Variants in IZUMO4 observed in about 807,000 individuals in gnomAD.
IZUMO4 encodes izumo sperm-egg fusion protein 4.
Under a neutral mutation model 37.1 loss-of-function variants are expected in IZUMO4, and 51 were observed. The observed-to-expected ratio is 1.38, with a 90% CI of 1.10 to 1.74. The LOEUF is 1.74. Ranked by LOEUF, IZUMO4 falls within the 40% of genes most tolerant of loss-of-function variation. The probability of loss-of-function intolerance (pLI) is 0.00; values close to 1 mark genes in which losing one functional copy is unlikely to be tolerated. For synonymous variants in IZUMO4, 162 were observed against 121.4 expected, an observed-to-expected ratio of 1.33 and a Z score of -2.20; for missense variants, 364 against 299.6, an observed-to-expected ratio of 1.21 and a Z score of -1.59.
chr19:2,097,260 A>G lies in IZUMO4; in HGVS notation c.226A>G (p.Lys76Glu), dbSNP rs988954658. Residue 76 changes from lysine (K) to glutamate (E), a missense_variant, in exon 2 of 10, where the codon AAG (lysine) becomes GAG (glutamate). Transcript: ENST00000395301. ...LAIPAKITRE[K>E]LDQVATAVYQ... ...TCTCCTCCTGCCCGCAGCCCGGGAG[A>G]AGCTGGACCAAGTGGCGACAGCAGT... 18 of 1,612,330 alleles carry G rather than the reference A, an allele frequency of 1.1e-5. No individual in the cohort carries two copies. The highest frequency in any genetic ancestry group is 1.5e-5 in the Non-Finnish European group (18 of 1,179,644).
intron 9 of IZUMO4, 85 bp downstream of exon 9, chr19:2,099,114 A>C (rs2017829305): frequency 1.4e-6 from 2 of 1,405,800 alleles, no homozygotes; most frequent in Non-Finnish European, 2.0e-6. Flanking sequence ...CACCCTGCTG[A>C]CATCCCAGGC....
In IZUMO4 at chr19:2,099,003, TG is replaced by T. The variant is rs1264612762; in HGVS notation, c.585del (p.Thr196HisfsTer14). ...CACGCTCCTCTGCCTTCTCCTGGCCTGGGACACACAGAGCCACCCCGGCCTT... is the reference window on the plus strand; with the variant it reads ...CACGCTCCTCTGCCTTCTCCTGGCCTGGACACACAGAGCCACCCCGGCCTT... ...RPRSSAFSWPGTHRATPAFLV... is the reference protein window; with the variant it reads ...RPRSSAFSWPXTHRATPAFLV... On this transcript the variant is annotated frameshift_variant, in exon 9 of 10. Coordinates refer to ENST00000395301, the MANE Select transcript of IZUMO4 (RefSeq NM_001039846.2). LOFTEE classifies it low-confidence loss of function (END_TRUNC). 1.2e-6 allele frequency: 2 copies of T among 1,613,040 alleles called. No homozygotes were observed. Among genetic ancestry groups the T allele is most frequent in the Non-Finnish European group, 1.7e-6 (2 of 1,179,978 alleles).
intron 9 of IZUMO4, 37 bp downstream of exon 9, chr19:2,099,066 G>C: frequency 6.3e-7 from 1 of 1,597,278 alleles, no homozygotes; most frequent in African/African-American, 1.3e-5. Context: ...CGGGAGAAGG[G>C]GTGCTCGTAA....
In IZUMO4 at chr19:2,098,118, A is replaced by C. The variant is rs748494870; in HGVS notation, c.464A>C (p.Tyr155Ser). The part of the protein sequence containing the change: ...CTDSHVACFG[Y>S]NCESSAQWKS... ...GACTCGCACGTCGCCTGCTTTGGCTATAACTGCGAGTAGGGCTCAGGCATC... is the reference window on the plus strand; with the variant it reads ...GACTCGCACGTCGCCTGCTTTGGCTCTAACTGCGAGTAGGGCTCAGGCATC... Residue 155 changes from tyrosine to serine, a missense_variant, in exon 5 of 10, where the codon TAT becomes TCT. By Grantham distance (144) the Tyr-to-Ser change is moderately radical (BLOSUM62 -2). Transcript: ENST00000395301. 1 of 1,613,412 alleles carries C rather than the reference A, an allele frequency of 6.2e-7. No individual in the cohort carries two copies. The highest frequency in any genetic ancestry group is 2.2e-5 in the East Asian group (1 of 44,892).
At position 2,099,442 on chromosome 19, in the gene IZUMO4, C is replaced by CCCCCT; in HGVS notation, c.*99_*103dup. ...GAGCTGGGCTGCTGCTGCCTCAGGACCCCCTCTCCGACCCCGGACAGAGCT... is the reference window on the plus strand; with the variant it reads ...GAGCTGGGCTGCTGCTGCCTCAGGACCCCCTCCCCTCTCCGACCCCGGACAGAGCT... On this transcript the variant is annotated 3_prime_UTR_variant, in exon 10 of 10. Transcript: ENST00000395301. 1.2e-6 allele frequency: 1 copy of CCCCCT among 869,054 alleles called. No homozygotes were observed. Among genetic ancestry groups the CCCCCT allele is most frequent in the Non-Finnish European group, 1.9e-6 (1 of 538,724 alleles). 53.8% of individuals were successfully genotyped at this position (869,054 alleles called of 1,614,324 possible). A position where few individuals can be genotyped will look rare whatever the true frequency, so the allele number is the denominator to read the frequency against.
chr19:2,097,400 CCTT>C (rs761536668), intron 2 of IZUMO4, 21 bp from the exon 3 acceptor site: 15 of 1,596,944 alleles, frequency 9.4e-6, no homozygotes, highest in East Asian at 4.5e-5. Context: ...CTGAGCCTGA[CCTT>C]CTCCTGCCTC....
intron 8 of IZUMO4, 53 bp downstream of exon 8, chr19:2,098,857 G>A (rs545775709): frequency 1.0e-4 from 158 of 1,557,348 alleles, no homozygotes; most frequent in South Asian, 2.4e-4. Flanking sequence ...GGAGAGAGGA[G>A]GGGGGCTAGG....
Position 2,098,799 on chromosome 19 carries a change from C to T in IZUMO4, c.549C>T (p.Ser183=). Residue 183 remains serine (S), a synonymous_variant, in exon 8 of 10, where the codon AGC becomes AGT. Transcript: ENST00000395301. ...CATTGCCTTTCAGACAGGACACGAGCATGAGGTAAGGCCGCCCTGACCTGG... is the reference window on the plus strand; with the variant it reads ...CATTGCCTTTCAGACAGGACACGAGTATGAGGTAAGGCCGCCCTGACCTGG... ...YINNWHKQDT[S]MRPRSSAFSW... is the part of the protein sequence containing the mutation. 6.3e-7 allele frequency: 1 copy of T among 1,599,642 alleles called. No homozygotes were observed. The highest frequency in any genetic ancestry group is 8.5e-7 in the Non-Finnish European group (1 of 1,173,356).
chr19:2,097,763 C>A, intron 3 of IZUMO4, 166 bp from the exon 4 acceptor site: 1 of 888,924 alleles, frequency 1.1e-6, no homozygotes, highest in Non-Finnish European at 1.7e-6. Context: ...TGGGGGTCAA[C>A]CTGGGGACCC....
intron 8 of IZUMO4, 27 bp from the exon 9 acceptor site, chr19:2,098,949 A>T: frequency 1.2e-6 from 2 of 1,612,296 alleles, no homozygotes; most frequent in Non-Finnish European, 1.7e-6. Flanking sequence ...CTCTGCAACC[A>T]CACCCATGTG....
rs60844806 is a variant in IZUMO4, at chr19:2,098,836, AG to A, written c.554+37del. Reference sequence around the variant, plus strand: ...CCGCCCTGACCTGGACTTCAGGGGGAGGGGGTAAAGGGAGAGAGGAGGGGGG... The same window carrying A: ...CCGCCCTGACCTGGACTTCAGGGGGAGGGGTAAAGGGAGAGAGGAGGGGGG... On this transcript the variant is annotated intron_variant, in intron 8 of 9. Coordinates refer to ENST00000395301, the MANE Select transcript of IZUMO4 (RefSeq NM_001039846.2). The A allele has an allele frequency of 9.5e-3, 12,927 of 1,354,504 alleles. 422 individuals carry two copies. In the African/African-American group the frequency reaches 0.12, roughly 13 times the overall value. The allele number at this position is 1,354,504 out of a possible 1,614,324, so 83.9% of individuals were successfully genotyped here. A position where few individuals can be genotyped will look rare whatever the true frequency, so the allele number is the denominator to read the frequency against.
intron 7 of IZUMO4, 140 bp downstream of exon 7, chr19:2,098,590 C>A: frequency 6.3e-7 from 1 of 1,598,756 alleles, no homozygotes; most frequent in Non-Finnish European, 8.5e-7. Flanking sequence ...CAACCCAGCT[C>A]TGCGCAGGAG....
intron 3 of IZUMO4, 35 bp from the exon 4 acceptor site, chr19:2,097,894 G>A (rs2017756329): frequency 1.9e-6 from 3 of 1,612,310 alleles, no homozygotes; most frequent in Non-Finnish European, 2.5e-6. Flanking sequence ...ACAAGGCTGG[G>A]CCTGGTAAGA....
chr19:2,099,456 C>T lies in IZUMO4; in HGVS notation c.*111C>T. ...CTGCCTCAGGACCCCCTCTCCGACCCCGGACAGAGCTGAGCTGGCCAGGGC... is the reference window on the plus strand; with the variant it reads ...CTGCCTCAGGACCCCCTCTCCGACCTCGGACAGAGCTGAGCTGGCCAGGGC... On this transcript the variant is annotated 3_prime_UTR_variant, in exon 10 of 10. Transcript: ENST00000395301. The T allele has an allele frequency of 1.4e-6, 1 of 733,530 alleles. No individual in the cohort carries two copies. Among genetic ancestry groups the T allele is most frequent in the African/African-American group, 1.7e-5 (1 of 57,350 alleles). 45.4% of individuals were successfully genotyped at this position (733,530 alleles called of 1,614,324 possible).
In IZUMO4 at chr19:2,099,358, C is replaced by A; in HGVS notation, c.*13C>A. Reference sequence around the variant, plus strand: ...CAAGCAGCACTGACAGCAGCTGGGCCTGCCCCAGGGCAACGTGGGGGCGGA... The same window carrying A: ...CAAGCAGCACTGACAGCAGCTGGGCATGCCCCAGGGCAACGTGGGGGCGGA... On this transcript the variant is annotated 3_prime_UTR_variant, in exon 10 of 10. Coordinates refer to ENST00000395301, the MANE Select transcript of IZUMO4 (RefSeq NM_001039846.2). 2.5e-6 allele frequency: 4 copies of A among 1,601,116 alleles called. No homozygotes were observed. The highest frequency in any genetic ancestry group is 3.4e-6 in the Non-Finnish European group (4 of 1,171,586).
At chr19:2,097,677 G>C in intron 3 of IZUMO4, 182 bp downstream of exon 3, 1 of 714,198 alleles carries the variant, frequency 1.4e-6, no homozygotes. Flanking sequence ...ACCCCGCGGG[G>C]ACCTCCCCTA....
chr19:2,097,646 AC>A (rs2017747132), intron 3 of IZUMO4, 151 bp downstream of exon 3: 1 of 788,206 alleles, frequency 1.3e-6, no homozygotes, highest in Admixed American at 2.0e-5. Context: ...CCAGCCTAGC[AC>A]CTGAAGGATC....
intron 7 of IZUMO4, 127 bp downstream of exon 7, chr19:2,098,577 C>A (rs2017793586): frequency 6.2e-7 from 1 of 1,604,424 alleles, no homozygotes; most frequent in Non-Finnish European, 8.5e-7. Context: ...GGAGGTGGAA[C>A]CTCAACCCAG....
In IZUMO4 at chr19:2,098,792, A is replaced by G. The variant is rs1373844963; in HGVS notation, c.542A>G (p.Asp181Gly). 1 of 1,601,592 alleles carries G rather than the reference A, an allele frequency of 6.2e-7. No individual in the cohort carries two copies. Among genetic ancestry groups the G allele is most frequent in the South Asian group, 1.1e-5 (1 of 90,018 alleles). ...LNYINNWHKQDTSMRPRSSAF... is the reference protein window; with the variant it reads ...LNYINNWHKQGTSMRPRSSAF... The stretch of plus-strand genomic sequence containing the variant: ...TGCCCCACATTGCCTTTCAGACAGG[A>G]CACGAGCATGAGGTAAGGCCGCCCT... Residue 181 changes from aspartate (D) to glycine (G), a missense_variant, in exon 8 of 10, where the codon GAC becomes GGC. Transcript: ENST00000395301.
Sources: allele counts gnomAD v4.1 joint callset, GRCh38; gene constraint gnomAD v4.1.1; transcripts MANE v1.5; gene names NCBI Gene and HGNC (gene_info 2026-07-23, HGNC 2026-07-21).